The following RORA variants were observed in gnomAD, a reference collection of about 807,000 sequenced individuals.
RORA encodes the protein RAR related orphan receptor A.
Under a neutral mutation model 69.5 loss-of-function variants are expected in RORA, and 7 were observed. The ratio of observed to expected loss-of-function variants is 0.10; its 90% CI spans 0.06 to 0.19. RORA has a LOEUF of 0.19. Among genes scored for constraint, RORA ranks in the 10% least tolerant of loss-of-function variants. The pLI, the probability that RORA is intolerant of heterozygous loss-of-function variation, is 1.00. For synonymous variants in RORA, 261 were observed against 240.8 expected, an observed-to-expected ratio of 1.08 and a Z score of -0.78; for missense variants, 457 against 663.0, an observed-to-expected ratio of 0.69 and a Z score of 3.41.
chr15:60,928,939 C>A (rs1045701138), intron 1 of RORA, among the ~76,000 whole-genome samples: 5 of 151,972 alleles, frequency 3.3e-5, no homozygotes, highest in African/African-American at 1.2e-4. Flanking sequence ...TTTTTCTTTT[C>A]TTTCTTTCTT....
intron 1 of RORA, among the ~76,000 whole-genome samples, chr15:60,887,404 A>G (rs1368282441): frequency 1.3e-5 from 2 of 152,208 alleles, no homozygotes; most frequent in East Asian, 3.8e-4. Flanking sequence ...CAGGAATTTC[A>G]GAAGTCTCAG....
At chr15:61,210,448 C>T (rs1395266906) in intron 1 of RORA, among the ~76,000 whole-genome samples, 4 of 152,254 alleles carry the variant, frequency 2.6e-5, no homozygotes, top group Non-Finnish European at 4.4e-5. Flanking sequence ...GATTCCATTT[C>T]GATTCCTGAA....
At chr15:60,721,110 C>T (rs950584477) in intron 1 of RORA, among the ~76,000 whole-genome samples, 1 of 152,066 alleles carries the variant, frequency 6.6e-6, no homozygotes, top group Non-Finnish European at 1.5e-5. Flanking sequence ...CCTGGGGTAA[C>T]GATGCCTTCG....
intron 9 of RORA, 60 bp downstream of exon 9, chr15:60,500,899 T>C (rs2041974990): frequency 1.0e-6 from 1 of 969,962 alleles, no homozygotes; most frequent in Non-Finnish European, 1.6e-6. Flanking sequence ...ATGGGCCTTG[T>C]AAAAATTCTT....
At position 60,700,307 on chromosome 15, in the gene RORA, C is replaced by T. The variant is rs941126373; in HGVS notation, c.167-21621G>A. 3.9e-5 allele frequency among the ~76,000 whole-genome samples: 6 copies of T among 152,190 alleles called. No individual in the cohort carries two copies. The East Asian group carries it at 1.2e-3, about 29-fold the overall frequency. On this transcript the variant is annotated intron_variant, in intron 1 of 10. Transcript: ENST00000335670. ...AGGGACAAAATTTTCAGCAGCAATG[C>T]ATTCCTTAAAGAGAAGGACAGCAGG...
chr15:60,758,215 T>C (rs906613304), intron 1 of RORA, among the ~76,000 whole-genome samples: 2 of 152,174 alleles, frequency 1.3e-5, no homozygotes, highest in African/African-American at 4.8e-5. Flanking sequence ...GAATGCTCAG[T>C]AATTCTCCAT....
In RORA at chr15:60,495,213, C is replaced by T. The variant is rs2141237956; in HGVS notation, c.*2242G>A. 6.6e-6 allele frequency: 1 copy of T among 152,206 alleles called. No homozygotes were observed. The highest frequency in any genetic ancestry group is 3.4e-3 in the Middle Eastern group (1 of 294). The allele number at this position is 152,206 out of a possible 1,614,324, so 9.4% of individuals were successfully genotyped here. The stretch of plus-strand genomic sequence containing the variant: ...ATAAATAACTGAACTAAGCTTGGTA[C>T]TCTTTTCAGAGTATAAATACTACTG... On this transcript the variant is annotated 3_prime_UTR_variant, in exon 11 of 11. Coordinates refer to ENST00000335670, the MANE Select transcript of RORA (RefSeq NM_134261.3).
intron 1 of RORA, among the ~76,000 whole-genome samples, chr15:60,988,653 C>T (rs140844819): frequency 1.4e-4 from 22 of 152,276 alleles, no homozygotes; most frequent in Admixed American, 6.5e-4. Flanking sequence ...ATGAAGTGCT[C>T]CAAACGCTGT....
intron 1 of RORA, among the ~76,000 whole-genome samples, chr15:61,116,148 T>C (rs902175238): frequency 1.3e-5 from 2 of 152,110 alleles, no homozygotes; most frequent in African/African-American, 4.8e-5. Flanking sequence ...GCAAGATGAA[T>C]TGGGACAGCA....
chr15:61,080,601 A>G (rs966591599), intron 1 of RORA, among the ~76,000 whole-genome samples: 2 of 152,196 alleles, frequency 1.3e-5, no homozygotes, highest in African/African-American at 4.8e-5. Context: ...TGGTATCATT[A>G]AATCTCCAGA....
intron 1 of RORA, among the ~76,000 whole-genome samples, chr15:60,814,942 A>C (rs1364017468): frequency 1.3e-5 from 2 of 152,164 alleles, no homozygotes; most frequent in Non-Finnish European, 2.9e-5. Flanking sequence ...TCAACCCTGT[A>C]GGTTTATTCT....
At chr15:60,716,054 A>C (rs548380350) in intron 1 of RORA, among the ~76,000 whole-genome samples, 2 of 152,100 alleles carry the variant, frequency 1.3e-5, no homozygotes, top group South Asian at 2.1e-4. Context: ...TTTAATGTGC[A>C]TACGAATTGC....
At chr15:60,581,285 A>G (rs764602475) in intron 2 of RORA, among the ~76,000 whole-genome samples, 4 of 152,234 alleles carry the variant, frequency 2.6e-5, no homozygotes, top group Non-Finnish European at 5.9e-5. Flanking sequence ...ACCCTGAGAC[A>G]TCTTAACTCA....
At chr15:60,837,054 T>G (rs2073126877) in intron 1 of RORA, among the ~76,000 whole-genome samples, 1 of 141,932 alleles carries the variant, frequency 7.0e-6, no homozygotes, top group South Asian at 2.3e-4. Context: ...TTTTTTTTTG[T>G]AGATATGGGG....
chr15:60,499,131 A>C (rs2065254104), intron 10 of RORA, among the ~76,000 whole-genome samples: 1 of 152,206 alleles, frequency 6.6e-6, no homozygotes, highest in African/African-American at 2.4e-5. Flanking sequence ...AAAATGCAAA[A>C]GTCATTTACT....
intron 1 of RORA, among the ~76,000 whole-genome samples, chr15:61,022,605 G>A (rs1247775794): frequency 3.3e-5 from 5 of 152,112 alleles, no homozygotes. Context: ...TCAGAGCCCC[G>A]CCGTGATAAA....
chr15:60,973,623 C>T (rs1389163144), intron 1 of RORA, among the ~76,000 whole-genome samples: 1 of 152,212 alleles, frequency 6.6e-6, no homozygotes, highest in Non-Finnish European at 1.5e-5. Flanking sequence ...AACGGCACAT[C>T]CCAGCTGTTA....
At chr15:61,074,646 G>A (rs1322879512) in intron 1 of RORA, among the ~76,000 whole-genome samples, 5 of 152,102 alleles carry the variant, frequency 3.3e-5, no homozygotes, top group African/African-American at 1.2e-4. Context: ...TTATTCTACT[G>A]GACTATTCCA....
chr15:61,184,873 T>C (rs2140908164), intron 1 of RORA, among the ~76,000 whole-genome samples: 1 of 151,188 alleles, frequency 6.6e-6, no homozygotes, highest in South Asian at 2.1e-4. Context: ...TAGTTGTTGC[T>C]ACTTGGAAGG....
Sources: allele counts gnomAD v4.1 joint callset (sites outside exome capture counted in the v4.1 genomes callset), GRCh38; gene constraint gnomAD v4.1.1; transcripts MANE v1.5; gene names NCBI Gene and HGNC (gene_info 2026-07-23, HGNC 2026-07-21).